ABCG8: variants seen among roughly 807,000 people sequenced by gnomAD.
ABCG8 encodes the protein ATP-binding cassette sub-family G member 8.
In ABCG8, 81 loss-of-function variants were observed where a neutral mutation model predicts 71.3. The observed-to-expected ratio is 1.14, with a 90% CI of 0.95 to 1.37. ABCG8 has a LOEUF of 1.37. Ranked by LOEUF, ABCG8 falls within the 40% of genes most tolerant of loss-of-function variation. The pLI is 0.00. For synonymous variants in ABCG8, 451 were observed against 354.7 expected (o/e 1.27, Z -3.05); for missense variants, 1,119 against 866.2 (o/e 1.29, Z -3.66).
intron 6 of ABCG8, among the ~76,000 whole-genome samples, chr2:43,865,235 A>G (rs941767765): frequency 2.8e-5 from 4 of 144,638 alleles, no homozygotes; most frequent in Non-Finnish European, 6.1e-5. Flanking sequence ...TGGAACTCTC[A>G]CTATCTGTCT....
intron 6 of ABCG8, among the ~76,000 whole-genome samples, chr2:43,869,545 G>A (rs955469149): frequency 1.3e-5 from 2 of 151,396 alleles, no homozygotes; most frequent in Non-Finnish European, 3.0e-5. Context: ...CTATCTGTCT[G>A]GATAGAATTC....
intron 6 of ABCG8, among the ~76,000 whole-genome samples, chr2:43,864,483 TCTAG>T (rs1041929216): frequency 2.0e-5 from 3 of 151,804 alleles, no homozygotes; most frequent in Admixed American, 2.0e-4. Flanking sequence ...ACTCTATCTA[TCTAG>T]ATAGAATTCT....
chr2:43,858,406 C>G lies in ABCG8; in HGVS notation c.964+5538C>G, dbSNP rs1366613492. On this transcript the variant is annotated intron_variant, in intron 6 of 12. Coordinates refer to ENST00000272286, the MANE Select transcript of ABCG8 (RefSeq NM_022437.3). The stretch of plus-strand genomic sequence containing the variant: ...AACATCTGGATAGAATTCTCACTAT[C>G]TATCTGGATAGAATTCTCTGTCTCT... Among the ~76,000 whole-genome samples the G allele has an allele frequency of 2.6e-5, 4 of 151,340 alleles. No homozygotes were observed. In the South Asian group the frequency reaches 6.3e-4, roughly 24 times the overall value.
chr2:43,852,356 G>A lies in ABCG8; in HGVS notation c.564G>A (p.Val188=). Residue 188 remains valine (V), a splice_region_variant and synonymous_variant, in exon 5 of 13, where the codon GTG becomes GTA. Transcript: ENST00000272286. ...TCAAAGCTCCTTCTGGCCCACAGGT[G>A]GAGGACGTGATCGCGGAGCTGCGGC... The part of the protein sequence containing the change: ...TFSQAQRDKR[V]EDVIAELRLR... 6.2e-7 allele frequency: 1 copy of A among 1,612,220 alleles called. No individual in the cohort carries two copies. The highest frequency in any genetic ancestry group is 1.3e-5 in the African/African-American group (1 of 75,006).
At position 43,872,281 on chromosome 2, in the gene ABCG8, G is replaced by A. The variant is rs145992603; in HGVS notation, c.1186G>A (p.Val396Met). 2 of 1,613,956 alleles carry A rather than the reference G, an allele frequency of 1.2e-6. No homozygotes were observed. Among genetic ancestry groups the A allele is most frequent in the South Asian group, 1.1e-5 (1 of 91,082 alleles). ...LPSPTKMPGAVQQFTTLIRRQ... is the reference protein window; with the variant it reads ...LPSPTKMPGAMQQFTTLIRRQ... Reference sequence around the variant, plus strand: ...GAGTCCTACGAAGATGCCTGGGGCGGTGCAGCAGTTTACGACGCTGATCCG... The same window carrying A: ...GAGTCCTACGAAGATGCCTGGGGCGATGCAGCAGTTTACGACGCTGATCCG... Residue 396 changes from valine (V) to methionine (M), a missense_variant, in exon 8 of 13, where the codon GTG becomes ATG. By Grantham distance (21) the Val-to-Met change is conservative. Coordinates refer to ENST00000272286, the MANE Select transcript of ABCG8 (RefSeq NM_022437.3).
rs1285986084 is a variant in ABCG8, at chr2:43,879,830, C to T, written c.*1917C>T. ...ATTTCAACTTCTCCCATACCAACAA[C>T]GTTCACTTTGATCACTTGATTAAAG... On this transcript the variant is annotated 3_prime_UTR_variant, in exon 13 of 13. Coordinates refer to ENST00000272286, the MANE Select transcript of ABCG8 (RefSeq NM_022437.3). The T allele has an allele frequency of 4.6e-5, 7 of 152,180 alleles. No individual in the cohort carries two copies. The highest frequency in any genetic ancestry group is 2.1e-4 in the South Asian group (1 of 4,824). The allele number at this position is 152,180 out of a possible 1,614,324, so 9.4% of individuals were successfully genotyped here.
intron 6 of ABCG8, among the ~76,000 whole-genome samples, chr2:43,871,536 C>A (rs1414508624): frequency 6.6e-6 from 1 of 152,222 alleles, no homozygotes; most frequent in Non-Finnish European, 1.5e-5. Context: ...ACTCAGCCTC[C>A]CCCGACCAGC....
At chr2:43,850,997 C>A (rs1668896839) in intron 3 of ABCG8, among the ~76,000 whole-genome samples, 1 of 150,616 alleles carries the variant, frequency 6.6e-6, no homozygotes, top group African/African-American at 2.4e-5. Context: ...TATATGTACA[C>A]TGTGCTGTAG....
rs566591244 is a variant in ABCG8 at position 43,879,532 on chromosome 2, T to G, written c.*1619T>G. On this transcript the variant is annotated 3_prime_UTR_variant, in exon 13 of 13. Coordinates refer to ENST00000272286, the MANE Select transcript of ABCG8 (RefSeq NM_022437.3). ...AGCATGCTGCCGTTTTCCAAAGCAC[T>G]TGCAACACTCAGGATGCTTGCACGG... 22 of 152,294 alleles carry G rather than the reference T, an allele frequency of 1.4e-4. No individual in the cohort carries two copies. The highest frequency in any genetic ancestry group is 5.1e-4 in the African/African-American group (21 of 41,546). The allele number at this position is 152,294 out of a possible 1,614,324, so 9.4% of individuals were successfully genotyped here. A position where few individuals can be genotyped will look rare whatever the true frequency, so the allele number is the denominator to read the frequency against.
chr2:43,870,775 T>C lies in ABCG8; in HGVS notation c.965-1201T>C, dbSNP rs572917477. ...ACTCTCATTTTCTGTCTGGATAGAA[T>C]TTTCACCATCTGGATAGAATCTCAC... On this transcript the variant is annotated intron_variant, in intron 6 of 12. Transcript: ENST00000272286. 1.9e-4 allele frequency among the ~76,000 whole-genome samples: 29 copies of C among 151,114 alleles called. No individual in the cohort carries two copies. The East Asian group carries it at 2.7e-3, about 14-fold the overall frequency.
intron 6 of ABCG8, among the ~76,000 whole-genome samples, chr2:43,871,533 C>G (rs1386974416): frequency 6.6e-6 from 1 of 151,888 alleles, no homozygotes; most frequent in African/African-American, 2.4e-5. Flanking sequence ...ACTACTCAGC[C>G]TCCCCCGACC....
intron 2 of ABCG8, among the ~76,000 whole-genome samples, chr2:43,845,045 A>G (rs1668699582): frequency 6.6e-6 from 1 of 151,306 alleles, no homozygotes. Context: ...GCTATTAACT[A>G]CAGACTTTAT....
rs1226195289 is a variant in ABCG8 at position 43,881,597 on chromosome 2, T to C, written c.*3684T>C. 1 of 151,818 alleles carries C rather than the reference T, an allele frequency of 6.6e-6. No individual in the cohort carries two copies. Among genetic ancestry groups the C allele is most frequent in the African/African-American group, 2.4e-5 (1 of 41,258 alleles). The allele number at this position is 151,818 out of a possible 1,614,324, so 9.4% of individuals were successfully genotyped here. ...GGTAGTGCGTGCCTGTAGTTCCAGC[T>C]ACTTGGGAGGTTGAGGCAGGAGAAT... On this transcript the variant is annotated 3_prime_UTR_variant, in exon 13 of 13. Transcript: ENST00000272286.
intron 6 of ABCG8, among the ~76,000 whole-genome samples, chr2:43,859,790 A>ACT: frequency 7.0e-6 from 1 of 142,122 alleles, no homozygotes; most frequent in East Asian, 2.1e-4. Context: ...GCTGGATAAA[A>ACT]CTCTCACTAT....
intron 11 of ABCG8, 54 bp downstream of exon 11, chr2:43,875,467 A>T: frequency 6.3e-7 from 1 of 1,584,646 alleles, no homozygotes; most frequent in Non-Finnish European, 8.6e-7. Flanking sequence ...ATGTGACTGG[A>T]TGAAGCCTGC....
In ABCG8 at chr2:43,875,180, T is replaced by A. The variant is rs1329796851; in HGVS notation, c.1523T>A (p.Ile508Asn). The A allele has an allele frequency of 6.2e-7, 1 of 1,614,134 alleles. No individual in the cohort carries two copies. The highest frequency in any genetic ancestry group is 2.2e-5 in the East Asian group (1 of 44,902). ...GAGCTTCCGGAGCACTGTGCCTACA[T>A]CATCATCTACGGGATGCCCACCTAC... is the stretch of plus-strand genomic sequence containing the variant. ...LGELPEHCAY[I>N]IIYGMPTYWL... The change falls in exon 11 of 13, where the codon ATC becomes AAC. Residue 508 changes from isoleucine (I) to asparagine (N), a missense_variant. Transcript: ENST00000272286.
chr2:43,850,582 T>G (rs1668881941), intron 3 of ABCG8, among the ~76,000 whole-genome samples: 1 of 152,206 alleles, frequency 6.6e-6, no homozygotes, highest in Admixed American at 6.5e-5. Flanking sequence ...CCAAGTGTTT[T>G]TTCCTGCTCT....
At chr2:43,871,625 G>A (rs1669777535) in intron 6 of ABCG8, among the ~76,000 whole-genome samples, 1 of 152,226 alleles carries the variant, frequency 6.6e-6, no homozygotes, top group Non-Finnish European at 1.5e-5. Flanking sequence ...GAGCATGACT[G>A]TCATGTGGCC....
chr2:43,840,166 C>T (rs777388471), intron 1 of ABCG8, among the ~76,000 whole-genome samples: 5 of 152,112 alleles, frequency 3.3e-5, no homozygotes, highest in Non-Finnish European at 5.9e-5. Context: ...CAAGCATGAT[C>T]GAGGATTCCA....
Sources: allele counts gnomAD v4.1 joint callset (sites outside exome capture counted in the v4.1 genomes callset), GRCh38; gene constraint gnomAD v4.1.1; transcripts MANE v1.5; gene names NCBI Gene and HGNC (gene_info 2026-07-23, HGNC 2026-07-21).